Variants in ZFYVE26 observed in about 807,000 individuals in gnomAD.
The protein encoded by ZFYVE26 is zinc finger FYVE domain-containing protein 26.
A neutral mutation model predicts 276.5 loss-of-function variants in ZFYVE26; 181 were observed. The observed-to-expected ratio is 0.65, with a 90% confidence interval of 0.58 to 0.74. ZFYVE26 has a LOEUF of 0.74. Ranked by LOEUF, ZFYVE26 falls within the 30% of genes least tolerant of loss-of-function variation. The pLI, the probability that ZFYVE26 is intolerant of heterozygous loss-of-function variation, is 0.00. For synonymous variants in ZFYVE26, 1,129 were observed against 1,203.1 expected (o/e 0.94, Z 1.27); for missense variants, 2,821 against 3,097.9 (o/e 0.91, Z 2.12).
In ZFYVE26 at chr14:67,777,650, T is replaced by C; in HGVS notation, c.4883A>G (p.His1628Arg). The change falls in exon 25 of 42, where the codon CAC becomes CGC. Residue 1628 changes from histidine (H) to arginine (R), a missense_variant. Coordinates refer to ENST00000347230, the MANE Select transcript of ZFYVE26 (RefSeq NM_015346.4). ...LDQHTSLATS[H>R]FLANYLTTHF... ...GGTGGTGAGGTAGTTGGCCAAGAAGTGAGAAGTGGCCAAGCTAGTGTGCTG... is the reference window on the plus strand; with the variant it reads ...GGTGGTGAGGTAGTTGGCCAAGAAGCGAGAAGTGGCCAAGCTAGTGTGCTG... The C allele has an allele frequency of 1.2e-6, 2 of 1,614,030 alleles. No individual in the cohort carries two copies. Among genetic ancestry groups the C allele is most frequent in the Non-Finnish European group, 1.7e-6 (2 of 1,180,008 alleles).
chr14:67,799,577 A>G, intron 10 of ZFYVE26: 1 of 1,502,714 alleles, frequency 6.7e-7, no homozygotes, highest in Non-Finnish European at 9.3e-7. Context: ...AGGAGGAGGG[A>G]AAAAATCTGC....
exon 14 of ZFYVE26, chr14:67,729,341 T>C: frequency 6.3e-7 from 1 of 1,598,288 alleles, no homozygotes; most frequent in South Asian, 1.1e-5. Context: ...CACTGCGCCC[T>C]GGCTGAGGGC....
chr14:67,807,291 CT>C, intron 5 of ZFYVE26, 106 bp downstream of exon 5: 1 of 1,485,328 alleles, frequency 6.7e-7, no homozygotes, highest in Non-Finnish European at 9.3e-7. Context: ...TTAGCCTCCC[CT>C]ATTAGATGTC....
At position 67,755,039 on chromosome 14, in the gene ZFYVE26, A is replaced by G. The variant is rs2038742277; in HGVS notation, c.6986+12T>C. On this transcript the variant is annotated intron_variant, in intron 37 of 41. Coordinates refer to ENST00000347230, the MANE Select transcript of ZFYVE26 (RefSeq NM_015346.4). ...CTGCCCCACACCAATAGTCCCCTGA[A>G]CCTCCAGCTACCTTGACACATCAGC... The G allele has an allele frequency of 6.2e-7, 1 of 1,612,994 alleles. No individual in the cohort carries two copies. The highest frequency in any genetic ancestry group is 1.3e-5 in the African/African-American group (1 of 74,732).
intron 38 of ZFYVE26, 45 bp from the exon 39 acceptor site, chr14:67,753,811 G>A (rs1177812892): frequency 6.2e-7 from 1 of 1,600,800 alleles, no homozygotes; most frequent in Non-Finnish European, 8.5e-7. Flanking sequence ...GCAATTACTA[G>A]AGAATACTCT....
chr14:67,766,854 C>A (rs2039073019), intron 31 of ZFYVE26, among the ~76,000 whole-genome samples: 2 of 152,190 alleles, frequency 1.3e-5, no homozygotes, highest in East Asian at 1.9e-4. Context: ...TTTGTGCCAC[C>A]ATGCCCGGCT....
chr14:67,802,400 C>G (rs2040096824), intron 9 of ZFYVE26, 118 bp from the exon 10 acceptor site: 1 of 1,010,472 alleles, frequency 9.9e-7, no homozygotes, highest in Admixed American at 2.0e-5. Context: ...TTCTTACCCT[C>G]TCTCCTTTCT....
chr14:67,801,504 T>G (rs2040078085), intron 10 of ZFYVE26, among the ~76,000 whole-genome samples: 1 of 152,172 alleles, frequency 6.6e-6, no homozygotes, highest in South Asian at 2.1e-4. Flanking sequence ...TAAAGATCTA[T>G]TCCAAAGCTA....
At chr14:67,782,671 A>G in intron 21 of ZFYVE26, 109 bp downstream of exon 21, 1 of 1,536,944 alleles carries the variant, frequency 6.5e-7, no homozygotes, top group South Asian at 1.1e-5. Context: ...ACATGAGATT[A>G]TAGTGGGGCT....
At chr14:67,807,052 T>C (rs1052999653) in intron 5 of ZFYVE26, among the ~76,000 whole-genome samples, 3 of 152,134 alleles carry the variant, frequency 2.0e-5, no homozygotes, top group Admixed American at 2.0e-4. Flanking sequence ...GCCTCAGCCT[T>C]CCTGCCTGTG....
chr14:67,733,832 G>T, intron 13 of ZFYVE26: 1 of 1,612,490 alleles, frequency 6.2e-7, no homozygotes, highest in South Asian at 1.1e-5. Context: ...GAGCTTCTAG[G>T]AATCCGGTGG....
intron 21 of ZFYVE26, among the ~76,000 whole-genome samples, chr14:67,782,079 C>T (rs1394936262): frequency 6.6e-6 from 1 of 152,230 alleles, no homozygotes; most frequent in Non-Finnish European, 1.5e-5. Context: ...TGGATTTCTC[C>T]ACCTTTTCAA....
rs2039341737 is a variant in ZFYVE26, at chr14:67,776,294, T to C, written c.4975-188A>G. Among the ~76,000 whole-genome samples, 3 of 152,228 alleles carry C rather than the reference T, an allele frequency of 2.0e-5. No individual in the cohort carries two copies. In the South Asian group the frequency reaches 6.2e-4, roughly 32 times the overall value. ...AATTCTGCAGATGGTAATTGAGAAG[T>C]ACTCCAAGTACCTTCACCAGATGAG... On this transcript the variant is annotated intron_variant, in intron 25 of 41. Transcript: ENST00000347230.
intron 31 of ZFYVE26, among the ~76,000 whole-genome samples, chr14:67,766,701 C>T (rs565457776): frequency 1.2e-4 from 19 of 152,142 alleles, no homozygotes; most frequent in African/African-American, 4.6e-4. Context: ...ACCTCTTACC[C>T]ACTTCTTTAT....
Position 67,777,704 on chromosome 14 carries a change from C to A in ZFYVE26, c.4829G>T (p.Cys1610Phe), listed in dbSNP as rs367668368. The change falls in exon 25 of 42, where the codon TGC (cysteine) becomes TTC (phenylalanine). Residue 1610 changes from cysteine to phenylalanine, a missense_variant. Physicochemically the swap from Cys to Phe is radical, Grantham distance 205 (BLOSUM62 -2). Transcript: ENST00000347230. ...GAGGGATTGCTCTGTCACTTCAAGG[C>A]ACATGGTGGGGTCAGGGATTCTTCG... ...LLRRIPDPTM[C>F]LEVTEQSLDQ... The A allele has an allele frequency of 9.9e-6, 16 of 1,614,032 alleles. No individual in the cohort carries two copies. Among genetic ancestry groups the A allele is most frequent in the Non-Finnish European group, 1.4e-5 (16 of 1,180,026 alleles).
At chr14:67,793,908 G>C (rs1046950481) in intron 13 of ZFYVE26, 149 bp from the exon 14 acceptor site, 10 of 1,164,604 alleles carry the variant, frequency 8.6e-6, no homozygotes, top group Non-Finnish European at 1.2e-5. Flanking sequence ...TCAAATGAAG[G>C]GCAAACCTAT....
At chr14:67,743,675 G>A (rs984148991), downstream of ZFYVE26, among the ~76,000 whole-genome samples, 1 of 152,212 alleles carries the variant, frequency 6.6e-6, no homozygotes, top group African/African-American at 2.4e-5. Context: ...GTGAGTTCCA[G>A]GAGGTAGTCA....
Position 67,772,726 on chromosome 14 carries a change from G to A in ZFYVE26, c.5321-516C>T, listed in dbSNP as rs547440727. Among the ~76,000 whole-genome samples the A allele has an allele frequency of 8.5e-4, 130 of 152,244 alleles. 1 individual carries two copies. The highest frequency in any genetic ancestry group is 3.3e-3 in the Admixed American group (51 of 15,304). ...GAGGCAGGAGAATCACTTGAGGCCA[G>A]GAGTTCAAAACCAGCCTGGGCAACT... is the stretch of plus-strand genomic sequence containing the variant. On this transcript the variant is annotated intron_variant, in intron 27 of 41. Transcript: ENST00000347230.
At chr14:67,786,912 T>A (rs557710193) in intron 16 of ZFYVE26, among the ~76,000 whole-genome samples, 92 of 152,286 alleles carry the variant, frequency 6.0e-4, no homozygotes, top group African/African-American at 2.1e-3. Context: ...CTGAAGATCA[T>A]TATGTTAAGT....
Sources: allele counts gnomAD v4.1 joint callset (sites outside exome capture counted in the v4.1 genomes callset), GRCh38; gene constraint gnomAD v4.1.1; transcripts MANE v1.5; gene names NCBI Gene and HGNC (gene_info 2026-07-23, HGNC 2026-07-21).